Variants in ABCB1 observed in about 807,000 individuals in gnomAD.
ABCB1 encodes the protein ATP-dependent translocase ABCB1.
In ABCB1, 69 loss-of-function variants were observed where a neutral mutation model predicts 142.0. The ratio of observed to expected loss-of-function variants is 0.49; its 90% CI spans 0.40 to 0.59. The LOEUF (loss-of-function observed/expected upper bound fraction) is 0.59, where lower values mean the gene tolerates loss of function less well. ABCB1 is among the 20% of genes least tolerant of loss of function. ABCB1 has a pLI of 0.00. For missense variants in ABCB1, 1,326 were observed against 1,554.7 expected, an observed-to-expected ratio of 0.85 and a Z score of 2.47; for synonymous variants, 532 against 539.2, an observed-to-expected ratio of 0.99 and a Z score of 0.18.
At chr7:87,670,591 A>C (rs1396442420) in intron 1 of ABCB1, among the ~76,000 whole-genome samples, 1 of 152,080 alleles carries the variant, frequency 6.6e-6, no homozygotes, top group African/African-American at 2.4e-5. Context: ...GTTCTTTCTC[A>C]TCTCTGTGTG....
At chr7:87,622,715 G>T (rs1227661673) in intron 1 of ABCB1, among the ~76,000 whole-genome samples, 1 of 152,094 alleles carries the variant, frequency 6.6e-6, no homozygotes, top group African/African-American at 2.4e-5. Flanking sequence ...TCTCAAAAAG[G>T]CAGTGAAACA....
rs545751600 is a variant in ABCB1 at position 87,529,094 on chromosome 7, A to T, written c.2685+2200T>A. 2.0e-5 allele frequency among the ~76,000 whole-genome samples: 3 copies of T among 152,318 alleles called. No homozygotes were observed. In the East Asian group the frequency reaches 5.8e-4, roughly 29 times the overall value. ...GGTTGGCATTATTAGATTTTTATTT[A>T]TGAGAGGTCAGAATGACTTCTGTAA... On this transcript the variant is annotated intron_variant, in intron 21 of 27. Transcript: ENST00000622132.
chr7:87,631,615 G>T (rs1320138920), intron 1 of ABCB1, among the ~76,000 whole-genome samples: 1 of 152,130 alleles, frequency 6.6e-6, no homozygotes, highest in African/African-American at 2.4e-5. Flanking sequence ...GGATGGTCTC[G>T]ATCTGCTGAC....
At chr7:87,611,492 C>G (rs1317937966) in intron 1 of ABCB1, among the ~76,000 whole-genome samples, 2 of 151,916 alleles carry the variant, frequency 1.3e-5, no homozygotes, top group Non-Finnish European at 2.9e-5. Context: ...TCTTTTTCTG[C>G]ATTAATTTGC....
chr7:87,529,676 T>C (rs1815945081), intron 21 of ABCB1, among the ~76,000 whole-genome samples: 2 of 152,236 alleles, frequency 1.3e-5, no homozygotes, highest in South Asian at 4.1e-4. Context: ...GACTCCCTTC[T>C]GGGACATTTC....
intron 21 of ABCB1, chr7:87,521,873 C>T: frequency 1.3e-6 from 1 of 772,716 alleles, no homozygotes; most frequent in Non-Finnish European, 2.3e-6. Flanking sequence ...GAAATCATGA[C>T]TGACCAAGGC....
chr7:87,638,019 A>G (rs1485095307), intron 1 of ABCB1, among the ~76,000 whole-genome samples: 1 of 152,050 alleles, frequency 6.6e-6, no homozygotes, highest in Non-Finnish European at 1.5e-5. Context: ...TAAATTGCTG[A>G]GAATTTGTAT....
chr7:87,524,987 T>A (rs1815720870), intron 21 of ABCB1, among the ~76,000 whole-genome samples: 2 of 152,148 alleles, frequency 1.3e-5, no homozygotes, highest in African/African-American at 4.8e-5. Flanking sequence ...CATTGCTTTT[T>A]AGTGTGTATA....
chr7:87,679,689 C>T (rs1453021106), intron 1 of ABCB1, among the ~76,000 whole-genome samples: 1 of 150,408 alleles, frequency 6.6e-6, no homozygotes, highest in Non-Finnish European at 1.5e-5. Flanking sequence ...TGTGCCTGGC[C>T]ACCCCAACAT....
intron 1 of ABCB1, among the ~76,000 whole-genome samples, chr7:87,637,304 T>G (rs750893837): frequency 1.3e-5 from 2 of 152,248 alleles, no homozygotes; most frequent in Non-Finnish European, 2.9e-5. Context: ...TGAGCTAATA[T>G]CGTACTAAAT....
intron 21 of ABCB1, among the ~76,000 whole-genome samples, chr7:87,523,240 G>A (rs980363551): frequency 3.3e-5 from 5 of 152,036 alleles, no homozygotes; most frequent in African/African-American, 1.2e-4. Context: ...AGTCTGCCAA[G>A]TAGCTAAGAC....
chr7:87,615,038 G>T (rs1031612657), intron 1 of ABCB1, among the ~76,000 whole-genome samples: 2 of 152,066 alleles, frequency 1.3e-5, no homozygotes, highest in Admixed American at 1.3e-4. Flanking sequence ...GTAGAGACGG[G>T]GTTTCACCGT....
chr7:87,629,893 A>G (rs1821027679), intron 1 of ABCB1, among the ~76,000 whole-genome samples: 1 of 151,462 alleles, frequency 6.6e-6, no homozygotes, highest in South Asian at 2.1e-4. Context: ...ATTGCACTCC[A>G]GCCGGGACCA....
intron 1 of ABCB1, among the ~76,000 whole-genome samples, chr7:87,647,896 A>G (rs1182147626): frequency 1.3e-5 from 2 of 152,100 alleles, no homozygotes; most frequent in East Asian, 1.9e-4. Flanking sequence ...AGAAATGGAA[A>G]ATGATAGGCC....
At chr7:87,689,823 G>A (rs572949139) in intron 1 of ABCB1, among the ~76,000 whole-genome samples, 3 of 152,110 alleles carry the variant, frequency 2.0e-5, no homozygotes, top group South Asian at 2.1e-4. Context: ...TTTGCTAGAC[G>A]TCTAATGATA....
intron 1 of ABCB1, among the ~76,000 whole-genome samples, chr7:87,633,627 G>A (rs17149840): frequency 0.048 from 7,335 of 151,266 alleles, 263 homozygotes; most frequent in East Asian, 0.09. Context: ...ATAATTGGTT[G>A]TGACCTGGGA....
chr7:87,669,552 A>G (rs2157930), intron 1 of ABCB1, among the ~76,000 whole-genome samples: 122,920 of 152,154 alleles, frequency 0.81, 49,907 homozygotes, highest in East Asian at 0.99. Context: ...TTTTTCTGTG[A>G]TTGTTTTACA....
At chr7:87,538,019 A>G (rs1404812312) in intron 19 of ABCB1, among the ~76,000 whole-genome samples, 5 of 152,256 alleles carry the variant, frequency 3.3e-5, no homozygotes, top group Non-Finnish European at 7.3e-5. Context: ...GTCTCCACAC[A>G]GGAATGTAAC....
At chr7:87,616,058 C>G (rs936954607) in intron 1 of ABCB1, among the ~76,000 whole-genome samples, 3 of 152,084 alleles carry the variant, frequency 2.0e-5, no homozygotes, top group Non-Finnish European at 4.4e-5. Context: ...GTATAAGATA[C>G]TTTAAGGTAG....
Sources: allele counts gnomAD v4.1 joint callset (sites outside exome capture counted in the v4.1 genomes callset), GRCh38; gene constraint gnomAD v4.1.1; transcripts MANE v1.5; gene names NCBI Gene and HGNC (gene_info 2026-07-23, HGNC 2026-07-21).